C5orf22: variants seen among roughly 807,000 people sequenced by gnomAD.
C5orf22 encodes the protein chromosome 5 open reading frame 22.
In C5orf22, 36 loss-of-function variants were observed where a neutral mutation model predicts 48.7. The ratio of observed to expected loss-of-function variants is 0.74; its 90% CI spans 0.57 to 0.98. The LOEUF (loss-of-function observed/expected upper bound fraction) is 0.98. C5orf22 is among the 50% of genes least tolerant of loss of function. The probability of loss-of-function intolerance (pLI) is 0.00; values close to 1 mark genes in which losing one functional copy is unlikely to be tolerated. For synonymous variants in C5orf22, 141 were observed against 180.8 expected, an observed-to-expected ratio of 0.78 and a Z score of 1.76; for missense variants, 486 against 521.9, an observed-to-expected ratio of 0.93 and a Z score of 0.67.
At chr5:31,541,058 CTAA>C in intron 5 of C5orf22, 47 bp downstream of exon 5, 1 of 1,421,998 alleles carries the variant, frequency 7.0e-7, no homozygotes. Flanking sequence ...TATCATATAA[CTAA>C]TAATATCTTG....
intron 6 of C5orf22, among the ~76,000 whole-genome samples, chr5:31,545,011 T>G (rs1402345759): frequency 3.9e-5 from 6 of 151,936 alleles, no homozygotes; most frequent in Non-Finnish European, 7.4e-5. Flanking sequence ...GGAAACAGCC[T>G]TTTTTCATCA....
rs548561296 is a variant in C5orf22, at chr5:31,553,249, T to C, written c.*347T>C. On this transcript the variant is annotated 3_prime_UTR_variant, in exon 9 of 9. Transcript: ENST00000325366. ...TTCATACTTCATTTATTCATTCAAC[T>C]AATATTTGTTGAACACTTACATGTA... 1.0e-4 allele frequency: 21 copies of C among 204,162 alleles called. No homozygotes were observed. Among genetic ancestry groups the C allele is most frequent in the Admixed American group, 3.7e-4 (7 of 18,692 alleles). The allele number at this position is 204,162 out of a possible 1,614,324, so 12.6% of individuals were successfully genotyped here.
At chr5:31,548,374 T>C in intron 7 of C5orf22, 1 of 238,504 alleles carries the variant, frequency 4.2e-6, no homozygotes, top group Non-Finnish European at 8.5e-6. Flanking sequence ...TGGCAGTTTC[T>C]TCCACCAGAT....
chr5:31,540,397 C>T (rs1467963003), intron 4 of C5orf22, among the ~76,000 whole-genome samples: 3 of 152,142 alleles, frequency 2.0e-5, no homozygotes, highest in South Asian at 2.1e-4. Context: ...GTATAGCAAG[C>T]CTCTTTCTCC....
chr5:31,542,967 T>C (rs1365781823), intron 6 of C5orf22, among the ~76,000 whole-genome samples: 1 of 152,192 alleles, frequency 6.6e-6, no homozygotes, highest in Non-Finnish European at 1.5e-5. Flanking sequence ...TTGTCATGTT[T>C]TGGTTATTAA....
At chr5:31,548,226 G>A (rs1003999643) in intron 7 of C5orf22, among the ~76,000 whole-genome samples, 1 of 151,844 alleles carries the variant, frequency 6.6e-6, no homozygotes, top group Non-Finnish European at 1.5e-5. Flanking sequence ...GCTTGAACCT[G>A]AGAGGCAAAG....
chr5:31,534,855 G>A (rs1190529133), intron 2 of C5orf22: 1 of 347,164 alleles, frequency 2.9e-6, no homozygotes, highest in Non-Finnish European at 5.7e-6. Flanking sequence ...TCCAGACTGG[G>A]CAACATAACC....
chr5:31,549,563 A>G (rs1420201836), intron 7 of C5orf22, among the ~76,000 whole-genome samples: 1 of 152,160 alleles, frequency 6.6e-6, no homozygotes, highest in Admixed American at 6.5e-5. Flanking sequence ...GAAGATCGTT[A>G]TAAGATACTT....
chr5:31,549,763 C>T (rs1475979465), intron 7 of C5orf22, among the ~76,000 whole-genome samples: 2 of 152,030 alleles, frequency 1.3e-5, no homozygotes, highest in Non-Finnish European at 2.9e-5. Flanking sequence ...GTAGTCCCAG[C>T]TACTTGAGAG....
chr5:31,548,316 T>G (rs1257336688), intron 7 of C5orf22, among the ~76,000 whole-genome samples: 1 of 150,308 alleles, frequency 6.7e-6, no homozygotes, highest in Admixed American at 6.6e-5. Context: ...AAAAAAAAAC[T>G]GGATGCCTTT....
chr5:31,535,660 G>A (rs1008925094), intron 2 of C5orf22, 84 bp from the exon 3 acceptor site: 4 of 1,078,144 alleles, frequency 3.7e-6, no homozygotes, highest in Admixed American at 5.8e-5. Context: ...TGAGACCTGT[G>A]GTCTTAAAAT....
Position 31,538,593 on chromosome 5 carries a change from A to G in C5orf22, c.711A>G (p.Glu237=), listed in dbSNP as rs754275500. 2 of 1,614,148 alleles carry G rather than the reference A, an allele frequency of 1.2e-6. No individual in the cohort carries two copies. Among genetic ancestry groups the G allele is most frequent in the South Asian group, 2.2e-5 (2 of 91,074 alleles). Residue 237 remains glutamate, a synonymous_variant, in exon 4 of 9, where the codon GAA becomes GAG. Coordinates refer to ENST00000325366, the MANE Select transcript of C5orf22 (RefSeq NM_018356.3). ...GCCAGACTGCTGCCAGCACTGGGGA[A>G]ATTCTGGAAATTTTGAAGAAAGGGA... ...QECQTAASTG[E]ILEILKKGKA... is the part of the protein sequence containing the mutation.
At chr5:31,536,556 C>T (rs545971572) in intron 3 of C5orf22, among the ~76,000 whole-genome samples, 1 of 151,966 alleles carries the variant, frequency 6.6e-6, no homozygotes, top group Non-Finnish European at 1.5e-5. Flanking sequence ...AACAAAAAAA[C>T]AGTAATTAGC....
intron 7 of C5orf22, among the ~76,000 whole-genome samples, chr5:31,547,848 C>T (rs1195176573): frequency 6.6e-6 from 1 of 152,258 alleles, no homozygotes; most frequent in African/African-American, 2.4e-5. Flanking sequence ...GCCCCAGATA[C>T]ATTTTCCCTA....
At position 31,532,384 on chromosome 5, in the gene C5orf22, C is replaced by T. The variant is rs199760446; in HGVS notation, c.-9C>T. The T allele has an allele frequency of 1.5e-5, 24 of 1,613,868 alleles. 1 individual carries two copies. In the East Asian group the frequency reaches 3.6e-4, roughly 24 times the overall value. ...ACCGCTTTACTGCAAAACTGACGGGCGCAAAAACATGAGTGACTCCGCGGG... is the reference window on the plus strand; with the variant it reads ...ACCGCTTTACTGCAAAACTGACGGGTGCAAAAACATGAGTGACTCCGCGGG... On this transcript the variant is annotated 5_prime_UTR_variant, in exon 1 of 9. Transcript: ENST00000325366.
intron 6 of C5orf22, among the ~76,000 whole-genome samples, chr5:31,543,946 T>C (rs1742642198): frequency 6.6e-6 from 1 of 151,898 alleles, no homozygotes; most frequent in Non-Finnish European, 1.5e-5. Flanking sequence ...GTGCTTGGTA[T>C]TGAAGGGAGA....
intron 3 of C5orf22, among the ~76,000 whole-genome samples, chr5:31,537,453 T>C (rs1034552221): frequency 6.6e-6 from 1 of 152,228 alleles, no homozygotes; most frequent in African/African-American, 2.4e-5. Context: ...AGTTTTACTA[T>C]GTCATTAATC....
intron 6 of C5orf22, among the ~76,000 whole-genome samples, chr5:31,542,559 T>C (rs3822360): frequency 0.24 from 36,849 of 151,718 alleles, 5,327 homozygotes; most frequent in Non-Finnish European, 0.34. Flanking sequence ...AGGAGCAGTA[T>C]TTGAAGGCTA....
chr5:31,535,004 A>ATT (rs2150070971), intron 2 of C5orf22: 1 of 454,890 alleles, frequency 2.2e-6, no homozygotes, highest in Non-Finnish European at 4.4e-6. Flanking sequence ...GTCCATTGCC[A>ATT]TATGCTGTTT....
Sources: allele counts gnomAD v4.1 joint callset (sites outside exome capture counted in the v4.1 genomes callset), GRCh38; gene constraint gnomAD v4.1.1; transcripts MANE v1.5; gene names NCBI Gene and HGNC (gene_info 2026-07-23, HGNC 2026-07-21).